AADACL4: variants seen among roughly 807,000 people sequenced by gnomAD.
AADACL4 encodes the protein arylacetamide deacetylase-like 4.
AADACL4 carries 9 observed loss-of-function variants against 14.1 expected under a neutral mutation model. That is an observed-to-expected ratio of 0.64 (90% CI 0.39 to 1.12). The LOEUF is 1.12. Among genes scored for constraint, AADACL4 ranks in the 50% most tolerant of loss-of-function variants. The pLI is 0.01. For missense variants in AADACL4, 531 were observed against 516.1 expected (o/e 1.03, Z -0.28); for synonymous variants, 188 against 201.6 (o/e 0.93, Z 0.57).
intron 2 of AADACL4, among the ~76,000 whole-genome samples, chr1:12,653,708 G>A (rs1647163446): frequency 6.6e-6 from 1 of 152,184 alleles, no homozygotes; most frequent in South Asian, 2.1e-4. Context: ...GTTTGTGGAG[G>A]TCCTACCTTC....
Position 12,666,767 on chromosome 1 carries a change from C to A in AADACL4, c.*32C>A. 2 of 1,549,514 alleles carry A rather than the reference C, an allele frequency of 1.3e-6. No homozygotes were observed. The highest frequency in any genetic ancestry group is 8.7e-7 in the Non-Finnish European group (1 of 1,153,862). Reference sequence around the variant, plus strand: ...CCCTGGGGCCCCGAGGAGGAAGGGGCAAGTATGGACTCTACCAGAAACCGG... The same window carrying A: ...CCCTGGGGCCCCGAGGAGGAAGGGGAAAGTATGGACTCTACCAGAAACCGG... On this transcript the variant is annotated 3_prime_UTR_variant, in exon 4 of 4. Transcript: ENST00000376221.
intron 1 of AADACL4, among the ~76,000 whole-genome samples, chr1:12,645,752 C>T (rs992729145): frequency 2.6e-5 from 4 of 152,142 alleles, no homozygotes; most frequent in Admixed American, 2.6e-4. Context: ...CTATGTTGCC[C>T]AGGCTGGTCT....
chr1:12,660,064 C>T lies in AADACL4; in HGVS notation c.386-1727C>T, dbSNP rs562290919. ...AACTACTGGGGTCAAGTGATCCCCC[C>T]ACCTTGGCCTTCCAAAGTGTTGGGG... On this transcript the variant is annotated intron_variant, in intron 2 of 3. Transcript: ENST00000376221. Among the ~76,000 whole-genome samples the T allele has an allele frequency of 2.0e-5, 3 of 152,332 alleles. No individual in the cohort carries two copies. In the East Asian group the frequency reaches 5.8e-4, roughly 29 times the overall value.
chr1:12,652,147 C>T (rs1331751803), intron 2 of AADACL4, among the ~76,000 whole-genome samples: 1 of 152,096 alleles, frequency 6.6e-6, no homozygotes, highest in African/African-American at 2.4e-5. Context: ...TTTAAAAATA[C>T]AAGTCAGAGC....
rs776784400 is a variant in AADACL4, at chr1:12,644,726, C to G, written c.168+12C>G. The G allele has an allele frequency of 6.2e-7, 1 of 1,613,112 alleles. No homozygotes were observed. The highest frequency in any genetic ancestry group is 8.5e-7 in the Non-Finnish European group (1 of 1,179,280). Reference sequence around the variant, plus strand: ...ACCTGGTCACTTTGGTGAGTTTACTCTCAGGCCACGTCGTAACCTGGGGGC... The same window carrying G: ...ACCTGGTCACTTTGGTGAGTTTACTGTCAGGCCACGTCGTAACCTGGGGGC... On this transcript the variant is annotated intron_variant, in intron 1 of 3. Transcript: ENST00000376221.
chr1:12,651,070 A>G (rs1647142104), intron 1 of AADACL4, 53 bp from the exon 2 acceptor site: 1 of 1,523,344 alleles, frequency 6.6e-7, no homozygotes, highest in Non-Finnish European at 9.1e-7. Flanking sequence ...GGAATCTACC[A>G]TCCAGATTCT....
intron 2 of AADACL4, among the ~76,000 whole-genome samples, chr1:12,652,980 G>A (rs1446563075): frequency 6.6e-6 from 1 of 152,110 alleles, no homozygotes; most frequent in Non-Finnish European, 1.5e-5. Flanking sequence ...ATTCTTCTGC[G>A]ACCACCCTGT....
chr1:12,665,292 GGCTCACGGCAA>G (rs1647297834), intron 3 of AADACL4, among the ~76,000 whole-genome samples: 1 of 152,066 alleles, frequency 6.6e-6, no homozygotes, highest in African/African-American at 2.4e-5. Context: ...GCTCGATCTA[GGCTCACGGCAA>G]GCTCTGCCTC....
intron 3 of AADACL4, among the ~76,000 whole-genome samples, chr1:12,662,219 T>C (rs1647240045): frequency 1.3e-5 from 2 of 152,226 alleles, no homozygotes; most frequent in African/African-American, 2.4e-5. Flanking sequence ...TAAAGCCTGA[T>C]ACTCATTTTG....
At chr1:12,664,126 GAA>G (rs960731910) in intron 3 of AADACL4, among the ~76,000 whole-genome samples, 1 of 152,180 alleles carries the variant, frequency 6.6e-6, no homozygotes, top group African/African-American at 2.4e-5. Flanking sequence ...AGAAGAAGAA[GAA>G]AGAGTGAGGG....
At chr1:12,644,790 C>G in intron 1 of AADACL4, 76 bp downstream of exon 1, 1 of 1,449,706 alleles carries the variant, frequency 6.9e-7, no homozygotes, top group Non-Finnish European at 9.5e-7. Flanking sequence ...TCTTTTCCCT[C>G]TTTCACTTCC....
At chr1:12,648,523 A>G (rs1647126472) in intron 1 of AADACL4, among the ~76,000 whole-genome samples, 1 of 149,892 alleles carries the variant, frequency 6.7e-6, no homozygotes, top group Admixed American at 6.6e-5. Context: ...CAGCCTCTTG[A>G]GCAGCTGGGA....
intron 3 of AADACL4, 47 bp downstream of exon 3, chr1:12,661,901 A>G: frequency 6.3e-7 from 1 of 1,586,828 alleles, no homozygotes. Flanking sequence ...GTGAGAGGAG[A>G]TAGGGTAAGT....
intron 1 of AADACL4, among the ~76,000 whole-genome samples, chr1:12,646,477 A>G (rs1351429858): frequency 6.6e-6 from 1 of 152,232 alleles, no homozygotes; most frequent in Non-Finnish European, 1.5e-5. Flanking sequence ...AATGCCACTG[A>G]CGCAAGGAGA....
intron 2 of AADACL4, among the ~76,000 whole-genome samples, chr1:12,658,749 G>A (rs1268575722): frequency 7.5e-6 from 1 of 132,544 alleles, no homozygotes; most frequent in African/African-American, 2.9e-5. Context: ...CCCTGCACCC[G>A]TTTCCACCCC....
chr1:12,660,524 AG>A (rs1455120125), intron 2 of AADACL4, among the ~76,000 whole-genome samples: 1 of 152,178 alleles, frequency 6.6e-6, no homozygotes, highest in Non-Finnish European at 1.5e-5. Flanking sequence ...GATGACACCC[AG>A]GTTGGCCCCG....
At position 12,651,113 on chromosome 1, in the gene AADACL4, C is replaced by T. The variant is rs747554816; in HGVS notation, c.169-10C>T. On this transcript the variant is annotated splice_polypyrimidine_tract_variant and intron_variant, in intron 1 of 3. Coordinates refer to ENST00000376221, the MANE Select transcript of AADACL4 (RefSeq NM_001013630.2). The stretch of plus-strand genomic sequence containing the variant: ...CCTAACGTCTGGCTTTCTTTTGTTA[C>T]CTCCAACAGGGGAATATATTTGAGA... 1 of 1,612,960 alleles carries T rather than the reference C, an allele frequency of 6.2e-7. No homozygotes were observed. The highest frequency in any genetic ancestry group is 1.1e-5 in the South Asian group (1 of 91,068).
intron 2 of AADACL4, 113 bp downstream of exon 2, chr1:12,651,452 A>T (rs1647148077): frequency 1.8e-6 from 2 of 1,129,956 alleles, no homozygotes; most frequent in South Asian, 1.5e-5. Context: ...CAGTTGTTGG[A>T]GATTTTTATA....
intron 3 of AADACL4, among the ~76,000 whole-genome samples, chr1:12,664,415 G>A (rs1647279024): frequency 6.7e-6 from 1 of 150,338 alleles, no homozygotes; most frequent in Non-Finnish European, 1.5e-5. Context: ...CTCCCAGGCT[G>A]GAGTGCAGTG....
Sources: allele counts gnomAD v4.1 joint callset (sites outside exome capture counted in the v4.1 genomes callset), GRCh38; gene constraint gnomAD v4.1.1; transcripts MANE v1.5; gene names NCBI Gene and HGNC (gene_info 2026-07-23, HGNC 2026-07-21).